Variants in SLC38A12 observed in about 807,000 individuals in gnomAD.
SLC38A12 encodes putative sodium-coupled neutral amino acid transporter 12.
At chr17:74,839,013 T>C in the SLC38A12 span, 16 of 1,535,728 alleles carry the variant, frequency 1.0e-5, no homozygotes, top group Admixed American at 2.9e-4. Context: ...GCCACCTGCA[T>C]GGCCCCAGAT....
the SLC38A12 span, among the ~76,000 whole-genome samples, chr17:74,828,789 G>A: frequency 2.7e-4 from 41 of 152,276 alleles, 1 homozygote; most frequent in South Asian, 8.3e-4. Flanking sequence ...GGTCTTCAGC[G>A]TCCCCATGCA....
chr17:74,791,011 A>G, the SLC38A12 span: 23 of 1,613,996 alleles, frequency 1.4e-5, no homozygotes, highest in South Asian at 2.1e-4. Flanking sequence ...AAATGGGACA[A>G]ATGGCCTCCA....
the SLC38A12 span, among the ~76,000 whole-genome samples, chr17:74,801,576 G>T: frequency 4.6e-5 from 7 of 152,192 alleles, no homozygotes; most frequent in Admixed American, 4.6e-4. Context: ...CAGTCATCCC[G>T]TGAGACTGGG....
the SLC38A12 span, among the ~76,000 whole-genome samples, chr17:74,790,494 C>T: frequency 6.6e-6 from 1 of 152,168 alleles, no homozygotes; most frequent in African/African-American, 2.4e-5. Flanking sequence ...CTGGCTTGGC[C>T]ACTACTCAGA....
At chr17:74,794,920 A>C in the SLC38A12 span, 2 of 996,540 alleles carry the variant, frequency 2.0e-6, no homozygotes. Flanking sequence ...GCTATGGGAG[A>C]GGTAGAGATT....
chr17:74,792,017 G>A, the SLC38A12 span, among the ~76,000 whole-genome samples: 1 of 151,902 alleles, frequency 6.6e-6, no homozygotes, highest in Non-Finnish European at 1.5e-5. Flanking sequence ...ATGGTGGCAG[G>A]CGCCTGTAGT....
chr17:74,837,484 G>T, the SLC38A12 span: 1 of 985,490 alleles, frequency 1.0e-6, no homozygotes, highest in Non-Finnish European at 1.2e-6. Context: ...CTCCTACAGT[G>T]CAGGTGGTCC....
chr17:74,789,940 CTTTTTTGTTTTTTTGT>C, the SLC38A12 span, among the ~76,000 whole-genome samples: 1 of 108,958 alleles, frequency 9.2e-6, no homozygotes, highest in Admixed American at 8.8e-5. Context: ...TTCTCTCTTT[CTTTTTTGTTTTTTTGT>C]TTTTTTGTTT....
At chr17:74,798,484 G>C in the SLC38A12 span, among the ~76,000 whole-genome samples, 1 of 152,236 alleles carries the variant, frequency 6.6e-6, no homozygotes. Context: ...CCTTGTGCCT[G>C]ACGACCCTTG....
At chr17:74,778,204 C>T in the SLC38A12 span, among the ~76,000 whole-genome samples, 60 of 152,174 alleles carry the variant, frequency 3.9e-4, no homozygotes, top group African/African-American at 1.4e-3. Context: ...CTCTGGCTGC[C>T]CCCAACACAC....
chr17:74,796,131 C>T, the SLC38A12 span, among the ~76,000 whole-genome samples: 1 of 152,182 alleles, frequency 6.6e-6, no homozygotes, highest in Non-Finnish European at 1.5e-5. Flanking sequence ...CAAGAGAAGA[C>T]GATGAATCTC....
the SLC38A12 span, among the ~76,000 whole-genome samples, chr17:74,822,524 G>A: frequency 6.6e-6 from 1 of 152,238 alleles, no homozygotes; most frequent in Non-Finnish European, 1.5e-5. Context: ...GTCTTAGCAA[G>A]TCATCTGCCT....
At chr17:74,836,817 C>A in the SLC38A12 span, 1 of 1,429,640 alleles carries the variant, frequency 7.0e-7, no homozygotes. The surrounding 1 kb of genome is among the most constrained non-coding windows in gnomAD (Gnocchi z 4.2). Flanking sequence ...GGGGAAACCC[C>A]CTGTCCAGCT....
At chr17:74,803,073 TA>T in the SLC38A12 span, among the ~76,000 whole-genome samples, 1 of 152,154 alleles carries the variant, frequency 6.6e-6, no homozygotes, top group African/African-American at 2.4e-5. Context: ...AGGTATGAAA[TA>T]AATTGGGAGG....
At chr17:74,797,755 G>C in the SLC38A12 span, among the ~76,000 whole-genome samples, 1 of 152,198 alleles carries the variant, frequency 6.6e-6, no homozygotes, top group African/African-American at 2.4e-5. Flanking sequence ...AGTGACTGGA[G>C]GAAGGGGGGT....
the SLC38A12 span, among the ~76,000 whole-genome samples, chr17:74,792,549 T>C: frequency 6.6e-6 from 1 of 152,232 alleles, no homozygotes; most frequent in Non-Finnish European, 1.5e-5. Flanking sequence ...AGTTCATCCT[T>C]CCCCTTGCAA....
the SLC38A12 span, among the ~76,000 whole-genome samples, chr17:74,816,323 G>A: frequency 6.6e-6 from 1 of 152,236 alleles, no homozygotes; most frequent in Non-Finnish European, 1.5e-5. Flanking sequence ...ACCTCATGTA[G>A]AGAGCAAGGA....
the SLC38A12 span, among the ~76,000 whole-genome samples, chr17:74,825,810 C>T: frequency 3.3e-5 from 5 of 152,302 alleles, no homozygotes; most frequent in South Asian, 2.1e-4. Flanking sequence ...CTGGGCTTCA[C>T]GTGGGAGGGT....
chr17:74,794,036 C>T, the SLC38A12 span, among the ~76,000 whole-genome samples: 1 of 152,194 alleles, frequency 6.6e-6, no homozygotes, highest in African/African-American at 2.4e-5. Context: ...AGCTTGAGAC[C>T]AGTGACATCA....
Sources: gnomAD v4.1 joint callset for allele counts (sites outside exome capture counted in the v4.1 genomes callset) on GRCh38, gnomAD v4.1.1 for gene constraint, Gnocchi (gnomAD v3.1) non-coding constraint, MANE v1.5 for transcripts, NCBI Gene and HGNC (gene_info 2026-07-23, HGNC 2026-07-21) for gene names.